The following DNMBP variants were observed in gnomAD, a reference collection of about 807,000 sequenced individuals.
DNMBP encodes the protein dynamin-binding protein.
A neutral mutation model predicts 150.0 loss-of-function variants in DNMBP; 87 were observed. That is an observed-to-expected ratio of 0.58 (90% CI 0.49 to 0.69). DNMBP has a LOEUF of 0.69. Among genes scored for constraint, DNMBP ranks in the 30% least tolerant of loss-of-function variants. DNMBP has a pLI of 0.00. For synonymous variants in DNMBP, 711 were observed against 750.4 expected (o/e 0.95, Z 0.86); for missense variants, 1,774 against 1,949.0 (o/e 0.91, Z 1.69).
chr10:99,974,404 C>T (rs1238247313), intron 1 of DNMBP, among the ~76,000 whole-genome samples: 1 of 152,218 alleles, frequency 6.6e-6, no homozygotes, highest in African/African-American at 2.4e-5. Flanking sequence ...GGACATCCAT[C>T]CCTCTGTAGA....
intron 1 of DNMBP, among the ~76,000 whole-genome samples, chr10:99,990,784 CACACATATAT>C (rs1365317573): frequency 6.5e-5 from 4 of 61,384 alleles, no homozygotes; most frequent in African/African-American, 7.0e-5. Context: ...CACATATATA[CACACATATAT>C]ACACACATAT....
Position 100,001,627 on chromosome 10 carries a change from G to A in DNMBP, c.-11+8211C>T, listed in dbSNP as rs1368070174. 2.6e-5 allele frequency among the ~76,000 whole-genome samples: 4 copies of A among 152,166 alleles called. No individual in the cohort carries two copies. The East Asian group carries it at 7.7e-4, about 29-fold the overall frequency. ...GGGGTTTGGCCATGTTGTCCAGGCT[G>A]GTCTTGAACTCCTGAGCTCAAGTGA... On this transcript the variant is annotated intron_variant, in intron 1 of 16. Coordinates refer to ENST00000324109, the MANE Select transcript of DNMBP (RefSeq NM_015221.4).
intron 4 of DNMBP, among the ~76,000 whole-genome samples, chr10:99,954,798 C>T (rs2040465068): frequency 6.7e-6 from 1 of 148,702 alleles, no homozygotes; most frequent in Non-Finnish European, 1.5e-5. Context: ...TGCCTGTAAT[C>T]CCAACACTTT....
chr10:99,900,384 G>A lies in DNMBP; in HGVS notation c.2555-318C>T, dbSNP rs80301900. Among the ~76,000 whole-genome samples, 197 of 151,878 alleles carry A rather than the reference G, an allele frequency of 1.3e-3. 1 individual carries two copies. Among genetic ancestry groups the A allele is most frequent in the African/African-American group, 4.6e-3 (191 of 41,426 alleles). On this transcript the variant is annotated intron_variant, in intron 6 of 16. Coordinates refer to ENST00000324109, the MANE Select transcript of DNMBP (RefSeq NM_015221.4). ...AGACTCGACCTCCCAGACTCAGGTC[G>A]GTCCCTAGTAGCTGGGACCACGTGT...
intron 15 of DNMBP, 88 bp downstream of exon 15, chr10:99,883,923 T>TC: frequency 7.6e-7 from 1 of 1,320,822 alleles, no homozygotes; most frequent in Non-Finnish European, 1.1e-6. Flanking sequence ...TTTTTGCTTT[T>TC]TTTTCCTGGC....
intron 4 of DNMBP, among the ~76,000 whole-genome samples, chr10:99,924,033 A>T (rs542222381): frequency 3.3e-4 from 50 of 152,302 alleles, no homozygotes; most frequent in African/African-American, 1.1e-3. Context: ...GCATACCTGT[A>T]ATCCCAGCTA....
intron 1 of DNMBP, among the ~76,000 whole-genome samples, chr10:100,003,155 G>A (rs1217424740): frequency 6.6e-6 from 1 of 152,118 alleles, no homozygotes; most frequent in Non-Finnish European, 1.5e-5. Flanking sequence ...GACCATCCTG[G>A]CTATCATGGT....
chr10:99,889,518 T>C (rs1219348332), intron 11 of DNMBP: 1 of 152,322 alleles, frequency 6.6e-6, no homozygotes, highest in African/African-American at 2.4e-5. Context: ...CCCACCCTCC[T>C]AGTAAAAATG....
At chr10:99,919,454 C>A (rs1440620297) in intron 4 of DNMBP, among the ~76,000 whole-genome samples, 9 of 152,198 alleles carry the variant, frequency 5.9e-5, no homozygotes, top group Admixed American at 5.9e-4. Context: ...AACTATCCCA[C>A]CTTCCTCCCC....
chr10:99,900,823 GTTC>G (rs1463760454), intron 6 of DNMBP, among the ~76,000 whole-genome samples: 2 of 152,192 alleles, frequency 1.3e-5, no homozygotes, highest in Non-Finnish European at 2.9e-5. Flanking sequence ...TAGAGACGGA[GTTC>G]TTCTACAGCA....
chr10:99,986,594 C>CA (rs747726572), intron 1 of DNMBP, among the ~76,000 whole-genome samples: 3,048 of 73,790 alleles, frequency 0.041, 561 homozygotes, highest in East Asian at 0.059. Flanking sequence ...GACTCCGTCT[C>CA]AAAAAAAAAA....
chr10:99,974,890 G>A (rs533542418), intron 1 of DNMBP, among the ~76,000 whole-genome samples: 3 of 152,152 alleles, frequency 2.0e-5, no homozygotes, highest in South Asian at 4.2e-4. Flanking sequence ...CAGCCTCCTG[G>A]GTACATATGG....
intron 4 of DNMBP, among the ~76,000 whole-genome samples, chr10:99,931,658 C>A (rs1255874812): frequency 6.6e-6 from 1 of 152,080 alleles, no homozygotes; most frequent in African/African-American, 2.4e-5. Flanking sequence ...GGCCAGAAAT[C>A]AAAAAGGCAG....
At chr10:99,904,739 A>G (rs1348544184) in intron 6 of DNMBP, among the ~76,000 whole-genome samples, 1 of 151,980 alleles carries the variant, frequency 6.6e-6, no homozygotes, top group Non-Finnish European at 1.5e-5. Flanking sequence ...CTGCTACCCA[A>G]CTCCTTGTTT....
intron 4 of DNMBP, among the ~76,000 whole-genome samples, chr10:99,943,153 C>T (rs185078048): frequency 6.6e-5 from 10 of 152,046 alleles, no homozygotes; most frequent in African/African-American, 2.4e-4. Flanking sequence ...GGCATGGTGG[C>T]GGGCACCTGT....
At chr10:99,943,079 G>T (rs774847554) in intron 4 of DNMBP, among the ~76,000 whole-genome samples, 1 of 152,144 alleles carries the variant, frequency 6.6e-6, no homozygotes, top group East Asian at 1.9e-4. Flanking sequence ...GAGGTCAGGC[G>T]TTCGAGACTA....
At chr10:99,896,599 G>C (rs896581720) in intron 9 of DNMBP, among the ~76,000 whole-genome samples, 3 of 152,220 alleles carry the variant, frequency 2.0e-5, no homozygotes, top group African/African-American at 7.2e-5. Context: ...AGAGGGGCCA[G>C]AGACAAGGAG....
At chr10:99,891,127 A>G (rs2039549538) in intron 11 of DNMBP, among the ~76,000 whole-genome samples, 1 of 152,110 alleles carries the variant, frequency 6.6e-6, no homozygotes, top group South Asian at 2.1e-4. Flanking sequence ...ATCTTAAAAA[A>G]TGGAATGATA....
intron 3 of DNMBP, among the ~76,000 whole-genome samples, chr10:99,964,840 C>T (rs2040603265): frequency 6.6e-6 from 1 of 150,446 alleles, no homozygotes; most frequent in Non-Finnish European, 1.5e-5. Context: ...CACTGCACTC[C>T]CGCCTGGGCG....
Sources: allele counts gnomAD v4.1 joint callset (sites outside exome capture counted in the v4.1 genomes callset), GRCh38; gene constraint gnomAD v4.1.1; transcripts MANE v1.5; gene names NCBI Gene and HGNC (gene_info 2026-07-23, HGNC 2026-07-21).